Variants in POLQ observed in about 807,000 individuals in gnomAD.
POLQ encodes DNA polymerase theta, also known as epididymis secretory sperm binding protein.
Under a neutral mutation model 259.2 loss-of-function variants are expected in POLQ, and 233 were observed. That is an observed-to-expected ratio of 0.90 (90% confidence interval 0.81 to 1.00). The LOEUF is 1.00. Ranked by LOEUF, POLQ falls within the 50% of genes least tolerant of loss-of-function variation. POLQ has a pLI of 0.00. For missense variants in POLQ, 2,871 were observed against 3,051.6 expected, an observed-to-expected ratio of 0.94 and a Z score of 1.39; for synonymous variants, 1,025 against 1,048.8, an observed-to-expected ratio of 0.98 and a Z score of 0.44.
intron 20 of POLQ, among the ~76,000 whole-genome samples, chr3:121,475,895 T>C (rs1417548823): frequency 6.6e-6 from 1 of 152,014 alleles, no homozygotes; most frequent in African/African-American, 2.4e-5. Flanking sequence ...TGTAATTTTA[T>C]GTGCAGTCAG....
At chr3:121,433,378 G>T (rs2047517415) in intron 28 of POLQ, among the ~76,000 whole-genome samples, 1 of 152,174 alleles carries the variant, frequency 6.6e-6, no homozygotes, top group African/African-American at 2.4e-5. Flanking sequence ...CACCAGGGAG[G>T]TATGGGGCCT....
chr3:121,483,630 T>C, intron 17 of POLQ, 48 bp from the exon 18 acceptor site: 1 of 1,357,074 alleles, frequency 7.4e-7, no homozygotes, highest in Non-Finnish European at 9.9e-7. Flanking sequence ...AGGCAAAAAT[T>C]ACATGCATTC....
rs2047778011 is a variant in POLQ at position 121,460,035 on chromosome 3, G to A, written c.7152+15C>T. The A allele has an allele frequency of 6.3e-7, 1 of 1,598,618 alleles. No individual in the cohort carries two copies. Among genetic ancestry groups the A allele is most frequent in the South Asian group, 1.1e-5 (1 of 90,574 alleles). ...AATTCTTCTCCTTTATATTAACCATGTTCACTAAAATCACCTGTTTTGCCT... is the reference window on the plus strand; with the variant it reads ...AATTCTTCTCCTTTATATTAACCATATTCACTAAAATCACCTGTTTTGCCT... On this transcript the variant is annotated intron_variant, in intron 25 of 29. Coordinates refer to ENST00000264233, the MANE Select transcript of POLQ (RefSeq NM_199420.4).
chr3:121,521,848 G>T, intron 8 of POLQ, 155 bp downstream of exon 8: 2 of 479,074 alleles, frequency 4.2e-6, no homozygotes, highest in Non-Finnish European at 7.0e-6. Context: ...TGGGATTACA[G>T]GAGTGAGCCA....
intron 2 of POLQ, among the ~76,000 whole-genome samples, chr3:121,543,384 TCTAAGTA>T (rs1159735941): frequency 5.9e-5 from 9 of 152,194 alleles, no homozygotes; most frequent in Non-Finnish European, 8.8e-5. Flanking sequence ...TTTAATCAAC[TCTAAGTA>T]CTACCGAGGC....
rs747368787 is a variant in POLQ, at chr3:121,488,000, C to A, written c.4931G>T (p.Arg1644Met). 2 of 1,612,904 alleles carry A rather than the reference C, an allele frequency of 1.2e-6. No individual in the cohort carries two copies. Among genetic ancestry groups the A allele is most frequent in the Non-Finnish European group, 1.7e-6 (2 of 1,179,498 alleles). Residue 1644 changes from arginine (R) to methionine (M), a missense_variant, in exon 16 of 30, where the codon AGG becomes ATG. Physicochemically the swap from Arg to Met is moderately conservative, Grantham distance 91 (BLOSUM62 -1). Coordinates refer to ENST00000264233, the MANE Select transcript of POLQ (RefSeq NM_199420.4). ...ASFDLSPGLQ[R>M]ILDKVSSPLE... ...AGGACTGGATACTTTATCTAAAATC[C>A]TTTGCAGTCCTGGACTTAGATCAAA...
intron 3 of POLQ, 146 bp downstream of exon 3, chr3:121,541,202 CT>C: frequency 1.4e-6 from 1 of 706,774 alleles, no homozygotes; most frequent in Non-Finnish European, 2.3e-6. Flanking sequence ...ATTTTTAATG[CT>C]TTTGGCAGTA....
intron 24 of POLQ, among the ~76,000 whole-genome samples, chr3:121,463,508 C>A (rs1011930864): frequency 7.9e-5 from 12 of 152,240 alleles, no homozygotes; most frequent in Non-Finnish European, 1.5e-4. Flanking sequence ...ATAGATCAAT[C>A]AAATTGCAAG....
At chr3:121,493,430 AT>A (rs11351457) in intron 15 of POLQ, 47 bp downstream of exon 15, 862,997 of 1,339,118 alleles carry the variant, frequency 0.64, 274,964 homozygotes, top group East Asian at 0.89. Context: ...TAAAATTGAC[AT>A]TTTTTTTTTA....
At chr3:121,481,902 T>C in intron 18 of POLQ, 90 bp from the exon 19 acceptor site, 1 of 1,132,264 alleles carries the variant, frequency 8.8e-7, no homozygotes. Context: ...ACAAAGCTCA[T>C]TTCTAACCTC....
At chr3:121,512,975 T>TA (rs2048265811) in intron 9 of POLQ, among the ~76,000 whole-genome samples, 1 of 152,224 alleles carries the variant, frequency 6.6e-6, no homozygotes, top group African/African-American at 2.4e-5. Flanking sequence ...ACTTATATGT[T>TA]AAAGCCATAT....
chr3:121,536,509 TTATATA>T (rs890301724), intron 5 of POLQ, among the ~76,000 whole-genome samples: 1 of 151,582 alleles, frequency 6.6e-6, no homozygotes, highest in African/African-American at 2.4e-5. Context: ...GCCTGACTAC[TTATATA>T]TATATAGATG....
At chr3:121,520,544 A>T (rs1264004734) in intron 8 of POLQ, among the ~76,000 whole-genome samples, 1 of 151,974 alleles carries the variant, frequency 6.6e-6, no homozygotes, top group Non-Finnish European at 1.5e-5. Context: ...AACAACAATA[A>T]CAAAAAAAGA....
Position 121,469,055 on chromosome 3 carries a change from C to T in POLQ, c.6719-624G>A, listed in dbSNP as rs558489536. Among the ~76,000 whole-genome samples the T allele has an allele frequency of 5.9e-5, 9 of 152,010 alleles. No individual in the cohort carries two copies. The South Asian group carries it at 1.5e-3, about 25-fold the overall frequency. ...ACAAAAAATTAGCTGGGCATGATGGCGGGTGCCTGCAATCCTCAGCTACTT... is the reference window on the plus strand; with the variant it reads ...ACAAAAAATTAGCTGGGCATGATGGTGGGTGCCTGCAATCCTCAGCTACTT... On this transcript the variant is annotated intron_variant, in intron 22 of 29. Transcript: ENST00000264233.
rs954263253 is a variant in POLQ, at chr3:121,541,404, G to C, written c.419C>G (p.Ala140Gly). The C allele has an allele frequency of 3.1e-6, 5 of 1,609,472 alleles. No homozygotes were observed. Among genetic ancestry groups the C allele is most frequent in the Non-Finnish European group, 4.2e-6 (5 of 1,176,816 alleles). The change falls in exon 3 of 30, where the codon GCT (alanine) becomes GGT (glycine). Residue 140 changes from alanine to glycine, a missense_variant. Physicochemically the swap from Ala to Gly is moderately conservative, Grantham distance 60. Coordinates refer to ENST00000264233, the MANE Select transcript of POLQ (RefSeq NM_199420.4). ...AGAAACAAAGGGAAGAATAAACAAA[G>C]CTTTCTTCCGCATTTCCAAAACCCG... ...LKRVLEMRKK[A>G]LFILPFVSVA...
chr3:121,482,186 C>A (rs931073277), intron 18 of POLQ, among the ~76,000 whole-genome samples: 4 of 152,110 alleles, frequency 2.6e-5, no homozygotes, highest in African/African-American at 9.7e-5. Flanking sequence ...TAAAGATGGG[C>A]CTGTGAGGTT....
At position 121,485,090 on chromosome 3, in the gene POLQ, A is replaced by C. The variant is rs1576412868; in HGVS notation, c.5724T>G (p.Gly1908=). The change falls in exon 17 of 30, where the codon GGT becomes GGG. Residue 1908 remains glycine (G), a synonymous_variant. Transcript: ENST00000264233. Reference sequence around the variant, plus strand: ...GTGAAAAATAATAGGCATCCCTTCCACCCCAGCATACTGCCAGTCCAACCA... The same window carrying C: ...GTGAAAAATAATAGGCATCCCTTCCCCCCCAGCATACTGCCAGTCCAACCA... ...TLVVGLAVCW[G]GRDAYYFSLQ... The C allele has an allele frequency of 6.2e-7, 1 of 1,613,034 alleles. No homozygotes were observed. Among genetic ancestry groups the C allele is most frequent in the African/African-American group, 1.3e-5 (1 of 75,018 alleles).
At chr3:121,465,685 A>G (rs1201478819) in intron 24 of POLQ, among the ~76,000 whole-genome samples, 3 of 152,152 alleles carry the variant, frequency 2.0e-5, no homozygotes, top group African/African-American at 7.2e-5. Flanking sequence ...GATCTTTGAT[A>G]TTACTATTAT....
chr3:121,501,258 C>A (rs2048165363), intron 12 of POLQ, among the ~76,000 whole-genome samples: 1 of 152,002 alleles, frequency 6.6e-6, no homozygotes, highest in African/African-American at 2.4e-5. Flanking sequence ...CCACGCCCAG[C>A]CTCAACTAAG....
Sources: gnomAD v4.1 joint callset for allele counts (sites outside exome capture counted in the v4.1 genomes callset) on GRCh38, gnomAD v4.1.1 for gene constraint, MANE v1.5 for transcripts, NCBI Gene and HGNC (gene_info 2026-07-23, HGNC 2026-07-21) for gene names.